The following GABRB1 variants were observed in gnomAD, a reference collection of about 807,000 sequenced individuals.
GABRB1 encodes the protein gamma-aminobutyric acid type A receptor subunit beta1.
In GABRB1, 17 loss-of-function variants were observed where a neutral mutation model predicts 51.6. The ratio of observed to expected loss-of-function variants is 0.33; its 90% CI spans 0.23 to 0.49. The LOEUF is 0.49. GABRB1 is among the 20% of genes least tolerant of loss of function. GABRB1 has a pLI of 0.99. For missense variants in GABRB1, 410 were observed against 600.6 expected (o/e 0.68, Z 3.32); for synonymous variants, 247 against 218.9 (o/e 1.13, Z -1.14).
chr4:47,024,854 G>A (rs560693599), intron 1 of GABRB1, among the ~76,000 whole-genome samples: 4 of 148,260 alleles, frequency 2.7e-5, no homozygotes, highest in African/African-American at 5.0e-5. Context: ...ACTTCACTTA[G>A]AATAATAGTC....
chr4:47,158,403 G>A (rs1717790813), intron 3 of GABRB1, among the ~76,000 whole-genome samples: 1 of 151,846 alleles, frequency 6.6e-6, no homozygotes. Context: ...TCTCTTTTGT[G>A]GTAAAATTTA....
intron 4 of GABRB1, among the ~76,000 whole-genome samples, chr4:47,252,598 G>T (rs182785299): frequency 1.5e-3 from 205 of 134,902 alleles, no homozygotes; most frequent in African/African-American, 5.4e-3. Flanking sequence ...ACCTCTGCTT[G>T]CCTGGTTCAA....
At chr4:47,360,093 C>T (rs1726746415) in intron 5 of GABRB1, among the ~76,000 whole-genome samples, 1 of 151,122 alleles carries the variant, frequency 6.6e-6, no homozygotes, top group Non-Finnish European at 1.5e-5. Flanking sequence ...AAGGCACTGG[C>T]TGTTTCTACT....
intron 4 of GABRB1, among the ~76,000 whole-genome samples, chr4:47,297,346 A>G (rs977438876): frequency 4.6e-5 from 6 of 129,216 alleles, no homozygotes; most frequent in Non-Finnish European, 9.9e-5. Context: ...GATCAACAAA[A>G]TTGATAGACC....
chr4:47,386,595 T>C (rs751022609), intron 5 of GABRB1, among the ~76,000 whole-genome samples: 1 of 152,284 alleles, frequency 6.6e-6, no homozygotes, highest in South Asian at 2.1e-4. Flanking sequence ...ATTAATGCAA[T>C]ATAGCTCCAT....
chr4:47,309,249 T>G (rs1043348593), intron 4 of GABRB1, among the ~76,000 whole-genome samples: 1 of 137,326 alleles, frequency 7.3e-6, no homozygotes, highest in Non-Finnish European at 1.6e-5. Context: ...CTATTCCCTA[T>G]TAATCCTTTA....
intron 4 of GABRB1, among the ~76,000 whole-genome samples, chr4:47,237,549 A>G (rs1721373428): frequency 6.6e-6 from 1 of 152,084 alleles, no homozygotes; most frequent in Non-Finnish European, 1.5e-5. Context: ...TGAAGATTTA[A>G]TATAATTAAG....
At position 47,180,780 on chromosome 4, in the gene GABRB1, G is replaced by A. The variant is rs771225907; in HGVS notation, c.461+19311G>A. ...AATTTCATTTAATACATCAGAAAAT[G>A]TCTTTACTTGATTTGGATTAATGAA... is the stretch of plus-strand genomic sequence containing the variant. On this transcript the variant is annotated intron_variant, in intron 4 of 8. Coordinates refer to ENST00000295454, the MANE Select transcript of GABRB1 (RefSeq NM_000812.4). Among the ~76,000 whole-genome samples the A allele has an allele frequency of 2.6e-5, 4 of 151,988 alleles. No homozygotes were observed. In the East Asian group the frequency reaches 5.8e-4, roughly 22 times the overall value.
At chr4:47,336,785 G>A (rs4695217) in intron 5 of GABRB1, among the ~76,000 whole-genome samples, 10,295 of 152,198 alleles carry the variant, frequency 0.068, 330 homozygotes, top group Admixed American at 0.082. Flanking sequence ...GCTAGACCAG[G>A]AGATAATTAC....
At chr4:47,202,265 T>A (rs561423638) in intron 4 of GABRB1, among the ~76,000 whole-genome samples, 2 of 152,262 alleles carry the variant, frequency 1.3e-5, no homozygotes, top group East Asian at 3.9e-4. Context: ...TCCTGCCACC[T>A]TGTGAAGAAG....
At chr4:47,140,810 C>CA (rs1158072586) in intron 3 of GABRB1, among the ~76,000 whole-genome samples, 13 of 146,510 alleles carry the variant, frequency 8.9e-5, no homozygotes, top group Admixed American at 2.0e-4. Context: ...GCTAGCTTAT[C>CA]AAAAAAAATA....
At chr4:47,278,057 GACA>G (rs1477732387) in intron 4 of GABRB1, among the ~76,000 whole-genome samples, 1 of 152,030 alleles carries the variant, frequency 6.6e-6, no homozygotes, top group East Asian at 1.9e-4. Context: ...TATTTGGAGA[GACA>G]AGTTTTATAT....
chr4:47,040,228 AC>A (rs2109486174), intron 3 of GABRB1, among the ~76,000 whole-genome samples: 1 of 152,334 alleles, frequency 6.6e-6, no homozygotes, highest in South Asian at 2.1e-4. Context: ...AGAACATCTG[AC>A]AAAGTGTTTA....
intron 3 of GABRB1, among the ~76,000 whole-genome samples, chr4:47,044,381 A>C (rs994014592): frequency 1.3e-5 from 2 of 151,998 alleles, no homozygotes; most frequent in Non-Finnish European, 2.9e-5. Flanking sequence ...TCCCTTGAAC[A>C]TGTTTCTGTT....
chr4:47,367,519 GA>G (rs948798069), intron 5 of GABRB1, among the ~76,000 whole-genome samples: 7 of 152,130 alleles, frequency 4.6e-5, no homozygotes, highest in African/African-American at 1.4e-4. Flanking sequence ...ACCCCAAAAA[GA>G]AAAATGCTGG....
At chr4:47,425,521 G>A (rs1030561222) in intron 8 of GABRB1, among the ~76,000 whole-genome samples, 153 bp from the exon 9 acceptor site, 15 of 148,670 alleles carry the variant, frequency 1.0e-4, no homozygotes, top group Admixed American at 8.7e-4. Flanking sequence ...TAGATAGATC[G>A]ATCGATCTAT....
chr4:47,257,621 A>G (rs529628037), intron 4 of GABRB1, among the ~76,000 whole-genome samples: 1 of 151,800 alleles, frequency 6.6e-6, no homozygotes, highest in Admixed American at 6.6e-5. Context: ...TTATTTTGGA[A>G]CTGAGTTTAG....
At chr4:47,177,077 C>G (rs1055227209) in intron 4 of GABRB1, among the ~76,000 whole-genome samples, 1 of 152,088 alleles carries the variant, frequency 6.6e-6, no homozygotes, top group African/African-American at 2.4e-5. Context: ...GTCTCATGTA[C>G]TGTTTTCTCA....
At chr4:47,357,982 T>C (rs2110006528) in intron 5 of GABRB1, among the ~76,000 whole-genome samples, 1 of 152,260 alleles carries the variant, frequency 6.6e-6, no homozygotes, top group African/African-American at 2.4e-5. Context: ...TGTGACAAGG[T>C]GCTATGCTAA....
Sources: allele counts gnomAD v4.1 joint callset (sites outside exome capture counted in the v4.1 genomes callset), GRCh38; gene constraint gnomAD v4.1.1; transcripts MANE v1.5; gene names NCBI Gene and HGNC (gene_info 2026-07-23, HGNC 2026-07-21).